The following DENND1A variants were observed in gnomAD, a reference collection of about 807,000 sequenced individuals.
DENND1A encodes DENN domain containing 1A.
DENND1A carries 51 observed loss-of-function variants against 113.7 expected under a neutral mutation model. That is an observed-to-expected ratio of 0.45 (90% confidence interval 0.36 to 0.57). The LOEUF (loss-of-function observed/expected upper bound fraction) is 0.57. Among genes scored for constraint, DENND1A ranks in the 20% least tolerant of loss-of-function variants. The pLI, the probability that DENND1A is intolerant of heterozygous loss-of-function variation, is 0.00. For synonymous variants in DENND1A, 565 were observed against 570.8 expected (o/e 0.99, Z 0.14); for missense variants, 1,258 against 1,395.9 (o/e 0.90, Z 1.57).
intron 13 of DENND1A, among the ~76,000 whole-genome samples, chr9:123,548,213 T>C (rs955649791): frequency 6.6e-6 from 1 of 152,204 alleles, no homozygotes; most frequent in Non-Finnish European, 1.5e-5. Context: ...CCTTGCTTCA[T>C]TCCCAGGACA....
intron 11 of DENND1A, among the ~76,000 whole-genome samples, chr9:123,585,796 G>A (rs995636816): frequency 4.6e-5 from 7 of 152,178 alleles, no homozygotes; most frequent in Admixed American, 1.3e-4. Context: ...CCAAGGTTAT[G>A]TGTCTATTAA....
intron 22 of DENND1A, among the ~76,000 whole-genome samples, chr9:123,387,135 G>A (rs991577127): frequency 1.3e-5 from 2 of 152,214 alleles, no homozygotes; most frequent in Non-Finnish European, 2.9e-5. Context: ...GGGCAAGAAC[G>A]GGTAAAGGAA....
chr9:123,439,701 C>T (rs2046784455), intron 19 of DENND1A: 1 of 152,018 alleles, frequency 6.6e-6, no homozygotes, highest in Non-Finnish European at 1.5e-5. Context: ...AAAGTCAATT[C>T]AGGACAGGTA....
At chr9:123,779,256 A>C (rs1254071272) in intron 3 of DENND1A, among the ~76,000 whole-genome samples, 1 of 152,214 alleles carries the variant, frequency 6.6e-6, no homozygotes. Flanking sequence ...TTGTCCAATG[A>C]CGTTCCATTA....
At chr9:123,895,708 C>T (rs1564462110) in intron 1 of DENND1A, among the ~76,000 whole-genome samples, 1 of 151,784 alleles carries the variant, frequency 6.6e-6, no homozygotes, top group Non-Finnish European at 1.5e-5. Context: ...TACCAAAACA[C>T]AAAAACTCAC....
chr9:123,761,791 A>G (rs1463393871), intron 4 of DENND1A, among the ~76,000 whole-genome samples: 1 of 152,164 alleles, frequency 6.6e-6, no homozygotes, highest in Non-Finnish European at 1.5e-5. Context: ...TGAATCTCCA[A>G]GGAATTTATC....
chr9:123,622,584 T>C (rs141155988), intron 10 of DENND1A, among the ~76,000 whole-genome samples: 1 of 152,320 alleles, frequency 6.6e-6, no homozygotes, highest in African/African-American at 2.4e-5. Context: ...CACAATTTAT[T>C]CTCTAACACT....
chr9:123,672,238 C>G (rs186895402), intron 6 of DENND1A, among the ~76,000 whole-genome samples: 51 of 152,216 alleles, frequency 3.4e-4, no homozygotes, highest in East Asian at 1.2e-3. Context: ...GTGAATTTAA[C>G]GAAAGGAAAA....
intron 5 of DENND1A, among the ~76,000 whole-genome samples, chr9:123,706,497 C>T (rs538607198): frequency 2.6e-5 from 4 of 151,454 alleles, no homozygotes; most frequent in African/African-American, 7.3e-5. Context: ...GTCGGCTGGG[C>T]GCGGTGGCTC....
chr9:123,540,735 G>A (rs1199118837), intron 13 of DENND1A, among the ~76,000 whole-genome samples: 4 of 152,166 alleles, frequency 2.6e-5, no homozygotes, highest in Non-Finnish European at 5.9e-5. Flanking sequence ...TGACAGCAGG[G>A]AGTACGGCAA....
intron 2 of DENND1A, among the ~76,000 whole-genome samples, chr9:123,794,688 A>C (rs1296521772): frequency 1.3e-5 from 2 of 152,184 alleles, no homozygotes; most frequent in African/African-American, 4.8e-5. Context: ...TAAAAATACC[A>C]TTCTTATTCC....
chr9:123,904,386 G>C (rs1173743510), intron 1 of DENND1A, among the ~76,000 whole-genome samples: 2 of 151,868 alleles, frequency 1.3e-5, no homozygotes, highest in East Asian at 3.8e-4. Context: ...TTGACAAGCT[G>C]AGAGAAGAAG....
chr9:123,821,193 ATTCAT>A (rs1324542920), intron 2 of DENND1A, among the ~76,000 whole-genome samples: 1 of 152,226 alleles, frequency 6.6e-6, no homozygotes, highest in Non-Finnish European at 1.5e-5. Flanking sequence ...CCCTAAAAAT[ATTCAT>A]TTCATCTCAA....
chr9:123,669,112 G>A (rs897812505), intron 7 of DENND1A, among the ~76,000 whole-genome samples: 1 of 152,066 alleles, frequency 6.6e-6, no homozygotes. Context: ...AATTATTATT[G>A]CTGTGAACTG....
intron 13 of DENND1A, among the ~76,000 whole-genome samples, chr9:123,468,021 A>C (rs4240480): frequency 0.98 from 148,533 of 152,200 alleles, 72,559 homozygotes; most frequent in Middle Eastern, 1. Context: ...CTCATTTCCC[A>C]CTAAATGTCT....
intron 2 of DENND1A, among the ~76,000 whole-genome samples, chr9:123,864,803 G>T (rs1845593441): frequency 6.6e-6 from 1 of 152,104 alleles, no homozygotes. Context: ...AAACTGTGGA[G>T]ATGAATCAAA....
At chr9:123,391,671 G>A (rs1270067277) in intron 21 of DENND1A, among the ~76,000 whole-genome samples, 3 of 138,510 alleles carry the variant, frequency 2.2e-5, no homozygotes, top group African/African-American at 8.0e-5. Flanking sequence ...GTTCTCCCAT[G>A]AAACATACAG....
intron 9 of DENND1A, among the ~76,000 whole-genome samples, chr9:123,649,970 T>C (rs1339620983): frequency 6.6e-6 from 1 of 152,236 alleles, no homozygotes; most frequent in African/African-American, 2.4e-5. Flanking sequence ...GGACAGTGCA[T>C]GGCACACAGT....
intron 5 of DENND1A, among the ~76,000 whole-genome samples, chr9:123,713,862 T>A (rs1565002816): frequency 2.6e-5 from 4 of 152,158 alleles, no homozygotes; most frequent in Non-Finnish European, 5.9e-5. Context: ...CCCAAGGTCA[T>A]ATAGTTTATG....
Sources: allele counts gnomAD v4.1 joint callset (sites outside exome capture counted in the v4.1 genomes callset), GRCh38; gene constraint gnomAD v4.1.1; transcripts MANE v1.5; gene names NCBI Gene and HGNC (gene_info 2026-07-23, HGNC 2026-07-21).